SDK2: variants seen among roughly 807,000 people sequenced by gnomAD.
SDK2 encodes sidekick cell adhesion molecule 2.
A neutral mutation model predicts 253.9 loss-of-function variants in SDK2; 105 were observed. That is an observed-to-expected ratio of 0.41 (90% CI 0.35 to 0.49). The LOEUF is 0.49. Among genes scored for constraint, SDK2 ranks in the 20% least tolerant of loss-of-function variants. The pLI, the probability that SDK2 is intolerant of heterozygous loss-of-function variation, is 0.06. For missense variants in SDK2, 2,608 were observed against 3,003.0 expected (o/e 0.87, Z 3.07); for synonymous variants, 1,249 against 1,234.9 (o/e 1.01, Z -0.24).
intron 10 of SDK2, among the ~76,000 whole-genome samples, chr17:73,432,644 A>C (rs1168918007): frequency 7.0e-6 from 1 of 143,418 alleles, no homozygotes; most frequent in Non-Finnish European, 1.5e-5. Flanking sequence ...CAAATGCATG[A>C]GAAGGTGGGG....
chr17:73,357,957 C>T, intron 40 of SDK2, 122 bp downstream of exon 40: 1 of 1,463,884 alleles, frequency 6.8e-7, no homozygotes, highest in South Asian at 1.1e-5. Flanking sequence ...CAGGTGACTT[C>T]ACCTGTAGTA....
At position 73,358,141 on chromosome 17, in the gene SDK2, C is replaced by A; in HGVS notation, c.5531G>T (p.Trp1844Leu). 1 of 1,613,206 alleles carries A rather than the reference C, an allele frequency of 6.2e-7. No individual in the cohort carries two copies. ...VRYSSAIAIHWSSGDPGKGPI... is the reference protein window; with the variant it reads ...VRYSSAIAIHLSSGDPGKGPI... ...CCCTTTGCCCGGGTCTCCGCTGGAC[C>A]AGTGAATGGCGATGGCAGAGCTGTA... Residue 1844 changes from tryptophan to leucine, a missense_variant, in exon 40 of 45, where the codon TGG becomes TTG. By Grantham distance (61) the Trp-to-Leu change is moderately conservative. Transcript: ENST00000392650.
In SDK2 at chr17:73,361,106, C is replaced by T. The variant is rs1201724402; in HGVS notation, c.5467+578G>A. On this transcript the variant is annotated intron_variant, in intron 39 of 44. Transcript: ENST00000392650. This position sits in a 1 kb window ranked among gnomAD's most constrained non-coding sequence, Gnocchi z 4.1. ...CTGGCTGTGAATAGGTGACCTGCTC[C>T]ATCAGGTGTTTCTCAAGGTGCCACT... Among the ~76,000 whole-genome samples, 1 of 151,998 alleles carries T rather than the reference C, an allele frequency of 6.6e-6. No individual in the cohort carries two copies. The highest frequency in any genetic ancestry group is 2.4e-5 in the African/African-American group (1 of 41,368).
chr17:73,474,590 T>G (rs947763061), intron 2 of SDK2, among the ~76,000 whole-genome samples: 16 of 152,370 alleles, frequency 1.1e-4, no homozygotes, highest in African/African-American at 3.8e-4. Flanking sequence ...TGTCTCTTGC[T>G]ACTGTGCGCA....
chr17:73,590,069 GCTGCCT>G (rs1262798403), intron 1 of SDK2, among the ~76,000 whole-genome samples: 10 of 152,222 alleles, frequency 6.6e-5, no homozygotes, highest in Non-Finnish European at 1.5e-4. Context: ...ACTCTTACAT[GCTGCCT>G]CTTAAACCCA....
At chr17:73,528,748 C>T (rs9910305) in intron 1 of SDK2, among the ~76,000 whole-genome samples, 52,243 of 152,020 alleles carry the variant, frequency 0.34, 9,328 homozygotes, top group East Asian at 0.61. Flanking sequence ...AATCTCTCTA[C>T]GGCTCATCTG....
In SDK2 at chr17:73,472,093, G is replaced by A; in HGVS notation, c.331+19C>T. The A allele has an allele frequency of 6.5e-7, 1 of 1,534,250 alleles. No homozygotes were observed. The highest frequency in any genetic ancestry group is 8.8e-7 in the Non-Finnish European group (1 of 1,132,310). On this transcript the variant is annotated intron_variant, in intron 3 of 44. Transcript: ENST00000392650. ...CACCACAGTCGCCCCCCCTGCCCCT[G>A]GGTCCCCATTGTACTCACAGGCCAC...
At chr17:73,591,117 G>A (rs773284360) in intron 1 of SDK2, among the ~76,000 whole-genome samples, 34 of 152,068 alleles carry the variant, frequency 2.2e-4, no homozygotes, top group Non-Finnish European at 2.6e-4. Flanking sequence ...ACAGGGTTTC[G>A]CCATGTTGGC....
rs190048204 is a variant in SDK2 at position 73,428,920 on chromosome 17, C to T, written c.1583+1591G>A. On this transcript the variant is annotated intron_variant, in intron 12 of 44. Transcript: ENST00000392650. ...CCTAGATGGTTAATTCCGTTTAAGG[C>T]GAGGACCTCCCTTCAGTAACCTGGT... Among the ~76,000 whole-genome samples the T allele has an allele frequency of 3.9e-5, 6 of 152,196 alleles. No individual in the cohort carries two copies. In the East Asian group the frequency reaches 1.2e-3, roughly 29 times the overall value.
chr17:73,532,547 G>A (rs968666180), intron 1 of SDK2, among the ~76,000 whole-genome samples: 1 of 152,230 alleles, frequency 6.6e-6, no homozygotes, highest in East Asian at 1.9e-4. Context: ...CCAGGAGCCA[G>A]GGCGGATGCA....
chr17:73,382,875 C>A, intron 33 of SDK2, among the ~76,000 whole-genome samples: 1 of 151,934 alleles, frequency 6.6e-6, no homozygotes, highest in African/African-American at 2.4e-5. Flanking sequence ...ACAACAACGA[C>A]AACATTAGCT....
chr17:73,474,911 C>A (rs2063675435), intron 2 of SDK2, among the ~76,000 whole-genome samples: 1 of 152,156 alleles, frequency 6.6e-6, no homozygotes, highest in South Asian at 2.1e-4. Flanking sequence ...TGCTCAACTT[C>A]CGTCATAGTG....
At chr17:73,567,346 A>G (rs1039531752) in intron 1 of SDK2, among the ~76,000 whole-genome samples, 9 of 152,266 alleles carry the variant, frequency 5.9e-5, no homozygotes, top group African/African-American at 2.2e-4. Context: ...GCTTCCTCCT[A>G]GATTTCAGAA....
chr17:73,442,301 C>G (rs1045757899), intron 5 of SDK2, among the ~76,000 whole-genome samples: 1 of 151,972 alleles, frequency 6.6e-6, no homozygotes, highest in African/African-American at 2.4e-5. Context: ...TTTGTAAGCC[C>G]CCAGCTGTGG....
At chr17:73,362,697 G>A (rs901947308) in intron 38 of SDK2, among the ~76,000 whole-genome samples, 2 of 152,160 alleles carry the variant, frequency 1.3e-5, no homozygotes, top group African/African-American at 4.8e-5. Flanking sequence ...AGTCCACCAA[G>A]CTTTTTAGGG....
chr17:73,579,950 C>G (rs1201598061), intron 1 of SDK2, among the ~76,000 whole-genome samples: 1 of 150,796 alleles, frequency 6.6e-6, no homozygotes, highest in Non-Finnish European at 1.5e-5. Context: ...TGCATTCCAG[C>G]CTGGGGGACA....
intron 1 of SDK2, among the ~76,000 whole-genome samples, chr17:73,623,181 T>C (rs2046155296): frequency 6.6e-6 from 1 of 152,376 alleles, no homozygotes; most frequent in Middle Eastern, 3.4e-3. Context: ...ATTTTTGTTA[T>C]GCTATAGATA....
At chr17:73,556,344 G>GTTT (rs10685201) in intron 1 of SDK2, among the ~76,000 whole-genome samples, 66,074 of 151,726 alleles carry the variant, frequency 0.44, 14,678 homozygotes, top group African/African-American at 0.53. Flanking sequence ...TGTTGTTGTT[G>GTTT]TTTAATAAAG....
At position 73,385,927 on chromosome 17, in the gene SDK2, GAAGC is replaced by G; in HGVS notation, c.4499-14_4499-11del. The G allele has an allele frequency of 1.9e-6, 3 of 1,593,444 alleles. No individual in the cohort carries two copies. The highest frequency in any genetic ancestry group is 2.6e-6 in the Non-Finnish European group (3 of 1,170,266). Reference sequence around the variant, plus strand: ...GGTGCTTCATCGGGGGCTGTGGAGAGAAGCAGACAGGTGGGTTCTGGGGGCCGCA... The same window carrying G: ...GGTGCTTCATCGGGGGCTGTGGAGAGAGACAGGTGGGTTCTGGGGGCCGCA... On this transcript the variant is annotated splice_polypyrimidine_tract_variant and intron_variant, in intron 31 of 44. Transcript: ENST00000392650.
Sources: gnomAD v4.1 joint callset for allele counts (sites outside exome capture counted in the v4.1 genomes callset) on GRCh38, gnomAD v4.1.1 for gene constraint, Gnocchi (gnomAD v3.1) non-coding constraint, MANE v1.5 for transcripts, NCBI Gene and HGNC (gene_info 2026-07-23, HGNC 2026-07-21) for gene names.